PLXNC1: variants seen among roughly 807,000 people sequenced by gnomAD.
The protein encoded by PLXNC1 is plexin-C1.
PLXNC1 carries 75 observed loss-of-function variants against 178.2 expected under a neutral mutation model. That is an observed-to-expected ratio of 0.42 (90% CI 0.35 to 0.51). The LOEUF is 0.51. PLXNC1 is among the 20% of genes least tolerant of loss of function. The pLI is 0.02. For missense variants in PLXNC1, 1,503 were observed against 1,984.4 expected (o/e 0.76, Z 4.61); for synonymous variants, 790 against 779.9 (o/e 1.01, Z -0.22).
At chr12:94,289,030 T>C (rs1005699139) in intron 23 of PLXNC1, among the ~76,000 whole-genome samples, 4 of 152,208 alleles carry the variant, frequency 2.6e-5, no homozygotes, top group African/African-American at 9.6e-5. Flanking sequence ...AAATTGTCAA[T>C]AGGTGACCAT....
chr12:94,263,295 G>A (rs1003143870), intron 20 of PLXNC1, among the ~76,000 whole-genome samples: 20 of 152,174 alleles, frequency 1.3e-4, no homozygotes, highest in African/African-American at 4.1e-4. Flanking sequence ...CTAGAGTGGA[G>A]CTCAGGCATC....
At chr12:94,279,800 C>T (rs752228421) in intron 22 of PLXNC1, 151 bp downstream of exon 22, 1 of 746,506 alleles carries the variant, frequency 1.3e-6, no homozygotes. Flanking sequence ...TGTCTAGGGG[C>T]CAAGAGACTG....
chr12:94,248,778 A>T (rs1964599932), intron 14 of PLXNC1, among the ~76,000 whole-genome samples: 1 of 152,118 alleles, frequency 6.6e-6, no homozygotes. Flanking sequence ...CTTAGCAGAA[A>T]CCCAAAACAA....
intron 9 of PLXNC1, among the ~76,000 whole-genome samples, chr12:94,230,088 AT>A (rs1444266611): frequency 1.3e-5 from 2 of 152,052 alleles, no homozygotes; most frequent in Non-Finnish European, 2.9e-5. Context: ...AGTCGCATCC[AT>A]TTCCCTCCTC....
intron 30 of PLXNC1, 37 bp downstream of exon 30, chr12:94,304,088 T>A: frequency 7.9e-7 from 1 of 1,263,576 alleles, no homozygotes; most frequent in Non-Finnish European, 1.1e-6. Context: ...AACCTTTGAA[T>A]CAGGCACAAG....
Position 94,306,688 on chromosome 12 carries a change from C to CAACACTGTATGGAGCATTAGGATTTAA in PLXNC1, c.*1405_*1431dup, listed in dbSNP as rs1226510972. 33 of 152,220 alleles carry CAACACTGTATGGAGCATTAGGATTTAA rather than the reference C, an allele frequency of 2.2e-4. No individual in the cohort carries two copies. Among genetic ancestry groups the CAACACTGTATGGAGCATTAGGATTTAA allele is most frequent in the Admixed American group, 2.0e-3 (31 of 15,290 alleles). 9.4% of individuals were successfully genotyped at this position (152,220 alleles called of 1,614,324 possible). ...TCACATATTCCTTGAAATCATTTACCAACACTGTATGGAGCATTAGGATTT... is the reference window on the plus strand; with the variant it reads ...TCACATATTCCTTGAAATCATTTACCAACACTGTATGGAGCATTAGGATTTAAAACACTGTATGGAGCATTAGGATTT... On this transcript the variant is annotated 3_prime_UTR_variant, in exon 31 of 31. Transcript: ENST00000258526.
At chr12:94,281,504 A>G (rs2136143160) in intron 22 of PLXNC1, among the ~76,000 whole-genome samples, 1 of 152,300 alleles carries the variant, frequency 6.6e-6, no homozygotes, top group Non-Finnish European at 1.5e-5. Context: ...TGCCATGTGG[A>G]CTACAGATTG....
intron 6 of PLXNC1, 82 bp from the exon 7 acceptor site, chr12:94,224,146 A>G: frequency 1.2e-6 from 1 of 866,852 alleles, no homozygotes; most frequent in Non-Finnish European, 2.0e-6. Flanking sequence ...AAGCAAAAAT[A>G]TTTATCTTTT....
intron 23 of PLXNC1, among the ~76,000 whole-genome samples, chr12:94,292,051 G>A (rs1967392847): frequency 6.6e-6 from 1 of 152,104 alleles, no homozygotes; most frequent in Middle Eastern, 3.2e-3. Flanking sequence ...GCATGTATCG[G>A]TAATTCTTTC....
intron 17 of PLXNC1, 32 bp downstream of exon 17, chr12:94,255,328 G>A (rs1565833375): frequency 9.7e-6 from 13 of 1,343,666 alleles, no homozygotes; most frequent in East Asian, 4.6e-5. Flanking sequence ...TCCGAAGGTT[G>A]AGTCTTGAAT....
chr12:94,258,155 C>G (rs1009669538), intron 17 of PLXNC1, among the ~76,000 whole-genome samples: 1 of 152,276 alleles, frequency 6.6e-6, no homozygotes, highest in South Asian at 2.1e-4. Context: ...AAAAAACACA[C>G]AGAGAGAACC....
chr12:94,252,020 T>G (rs1410642802), intron 15 of PLXNC1, among the ~76,000 whole-genome samples: 1 of 152,140 alleles, frequency 6.6e-6, no homozygotes, highest in Admixed American at 6.5e-5. Flanking sequence ...AAACAAAATT[T>G]TTTTTTAAAG....
chr12:94,230,370 C>G (rs1964064100), intron 9 of PLXNC1, among the ~76,000 whole-genome samples: 1 of 152,130 alleles, frequency 6.6e-6, no homozygotes, highest in South Asian at 2.1e-4. Flanking sequence ...TCACTACCTC[C>G]TGGTTTCCTG....
At chr12:94,274,155 T>TAAAAAAAAAAAAAAAAAA (rs3060881) in intron 21 of PLXNC1, among the ~76,000 whole-genome samples, 6 of 45,370 alleles carry the variant, frequency 1.3e-4, no homozygotes, top group African/African-American at 5.9e-4. Context: ...ACCCTGTCTC[T>TAAAAAAAAAAAAAAAAAA]AAAAAAAAAA....
At chr12:94,238,524 A>G (rs1374499509) in intron 10 of PLXNC1, among the ~76,000 whole-genome samples, 1 of 152,134 alleles carries the variant, frequency 6.6e-6, no homozygotes, top group East Asian at 1.9e-4. Flanking sequence ...GCAGTTATTA[A>G]ATAACACAAC....
intron 5 of PLXNC1, among the ~76,000 whole-genome samples, chr12:94,212,936 G>A (rs375550159): frequency 5.3e-5 from 8 of 152,076 alleles, no homozygotes; most frequent in African/African-American, 1.7e-4. Flanking sequence ...GGCCAAGATG[G>A]TCTCAATCTC....
At chr12:94,254,617 T>A in intron 15 of PLXNC1, 170 bp from the exon 16 acceptor site, 1 of 709,010 alleles carries the variant, frequency 1.4e-6, no homozygotes, top group Non-Finnish European at 2.6e-6. Flanking sequence ...AATTTTCTTA[T>A]AAGATCCAGC....
intron 6 of PLXNC1, 21 bp downstream of exon 6, chr12:94,220,184 T>A (rs1963754911): frequency 2.5e-6 from 4 of 1,603,896 alleles, no homozygotes; most frequent in Non-Finnish European, 3.4e-6. Context: ...TCTTCTGGGT[T>A]ATTTTTGTTA....
At chr12:94,213,486 T>A (rs1963553525) in intron 5 of PLXNC1, among the ~76,000 whole-genome samples, 1 of 152,252 alleles carries the variant, frequency 6.6e-6, no homozygotes, top group South Asian at 2.1e-4. Context: ...CTTTGCCTAC[T>A]TTTTGATGGG....
Sources: gnomAD v4.1 joint callset for allele counts (sites outside exome capture counted in the v4.1 genomes callset) on GRCh38, gnomAD v4.1.1 for gene constraint, MANE v1.5 for transcripts, NCBI Gene and HGNC (gene_info 2026-07-23, HGNC 2026-07-21) for gene names.